Variants in DCHS2 observed in about 807,000 individuals in gnomAD.
DCHS2 encodes the protein protocadherin-23.
Under a neutral mutation model 182.4 loss-of-function variants are expected in DCHS2, and 142 were observed. The ratio of observed to expected loss-of-function variants is 0.78; its 90% CI spans 0.68 to 0.89. The LOEUF (loss-of-function observed/expected upper bound fraction) is 0.89, where lower values mean the gene tolerates loss of function less well. Among genes scored for constraint, DCHS2 ranks in the 40% least tolerant of loss-of-function variants. DCHS2 has a pLI of 0.00. For missense variants in DCHS2, 4,319 were observed against 4,198.6 expected (o/e 1.03, Z -0.79); for synonymous variants, 1,740 against 1,663.3 (o/e 1.05, Z -1.12).
At chr4:154,459,291 G>A (rs760098865) in intron 1 of DCHS2, among the ~76,000 whole-genome samples, 1 of 152,084 alleles carries the variant, frequency 6.6e-6, no homozygotes, top group Non-Finnish European at 1.5e-5. Flanking sequence ...TGAGAGGGAA[G>A]GTTAGGATTG....
chr4:154,338,416 T>TA (rs1728913269), intron 3 of DCHS2, among the ~76,000 whole-genome samples: 1 of 152,202 alleles, frequency 6.6e-6, no homozygotes, highest in Non-Finnish European at 1.5e-5. Context: ...TAATACTACC[T>TA]AAAATCACTA....
chr4:154,446,127 C>T (rs372866663), intron 1 of DCHS2, among the ~76,000 whole-genome samples: 5 of 152,124 alleles, frequency 3.3e-5, no homozygotes, highest in East Asian at 1.9e-4. Context: ...AGATATGTGG[C>T]GTCAGCTCTT....
At chr4:154,293,532 G>T (rs1173639425) in intron 13 of DCHS2, among the ~76,000 whole-genome samples, 1 of 152,090 alleles carries the variant, frequency 6.6e-6, no homozygotes, top group Non-Finnish European at 1.5e-5. Context: ...TGTAGTCCTG[G>T]TTGAGAACCT....
chr4:154,351,499 C>T (rs1729608014), intron 3 of DCHS2, among the ~76,000 whole-genome samples: 1 of 152,144 alleles, frequency 6.6e-6, no homozygotes, highest in Admixed American at 6.5e-5. Context: ...ATGCTGCCTT[C>T]ATAAACAGTT....
chr4:154,333,265 C>T lies in DCHS2; in HGVS notation c.2943G>A (p.Arg981=). 1.2e-6 allele frequency: 2 copies of T among 1,614,202 alleles called. No homozygotes were observed. Among genetic ancestry groups the T allele is most frequent in the Non-Finnish European group, 1.7e-6 (2 of 1,180,044 alleles). The part of the protein sequence containing the change: ...DVNDNHPAFL[R]TSDEIRISQT... ...GGGATATTCTAATCTCATCCGAGGT[C>T]CTGAGGAACGCTGGGTGGTTGTCAT... Residue 981 remains arginine, a synonymous_variant, in exon 5 of 20, where the codon AGG becomes AGA. Transcript: ENST00000357232.
intron 19 of DCHS2, 48 bp from the exon 20 acceptor site, chr4:154,237,207 T>C: frequency 6.5e-7 from 1 of 1,539,088 alleles, no homozygotes; most frequent in Non-Finnish European, 8.7e-7. Flanking sequence ...GCAGTTTTGA[T>C]GATCCATTTA....
In DCHS2 at chr4:154,234,402, T is replaced by A; in HGVS notation, c.*134A>T. 7.8e-7 allele frequency: 1 copy of A among 1,285,784 alleles called. No homozygotes were observed. The highest frequency in any genetic ancestry group is 1.0e-6 in the Non-Finnish European group (1 of 969,786). The allele number at this position is 1,285,784 out of a possible 1,614,324, so 79.6% of individuals were successfully genotyped here. A position where few individuals can be genotyped will look rare whatever the true frequency, so the allele number is the denominator to read the frequency against. The stretch of plus-strand genomic sequence containing the variant: ...AATTGGAGAAACTTTAATGGGGAAG[T>A]TTTAAAAACTCTAACTAAATTACAT... On this transcript the variant is annotated 3_prime_UTR_variant, in exon 20 of 20. Coordinates refer to ENST00000357232, the MANE Select transcript of DCHS2 (RefSeq NM_001358235.2).
rs150949506 is a variant in DCHS2 at position 154,289,065 on chromosome 4, A to G, written c.6463+8786T>C. ...ACTCAAAATTGGTAGCAGAAAAGAA[A>G]TAACAAAGATCAGAACAACAAAGAT... is the stretch of plus-strand genomic sequence containing the variant. On this transcript the variant is annotated intron_variant, in intron 13 of 19. Coordinates refer to ENST00000357232, the MANE Select transcript of DCHS2 (RefSeq NM_001358235.2). Among the ~76,000 whole-genome samples, 12 of 152,186 alleles carry G rather than the reference A, an allele frequency of 7.9e-5. No individual in the cohort carries two copies. In the East Asian group the frequency reaches 2.3e-3, roughly 29 times the overall value.
chr4:154,273,946 T>C (rs769553328), intron 13 of DCHS2, among the ~76,000 whole-genome samples: 2 of 152,044 alleles, frequency 1.3e-5, no homozygotes, highest in Admixed American at 1.3e-4. Context: ...TATAAGACAG[T>C]GGTAACAAGT....
intron 1 of DCHS2, among the ~76,000 whole-genome samples, chr4:154,442,527 ACACCCC>A (rs373706837): frequency 1.2e-4 from 6 of 50,466 alleles, no homozygotes; most frequent in Admixed American, 2.9e-4. Flanking sequence ...TGAAAAGTGG[ACACCCC>A]CCCCCCCCCA....
In DCHS2 at chr4:154,361,188, G is replaced by A. The variant is rs112560713; in HGVS notation, c.2476+5022C>T. On this transcript the variant is annotated intron_variant, in intron 3 of 19. Transcript: ENST00000357232. The stretch of plus-strand genomic sequence containing the variant: ...TGCCTGAATAAAAGAGATAGTTTGG[G>A]ATGAAAATAAATGACCAGCACAAAA... Among the ~76,000 whole-genome samples, 612 of 152,198 alleles carry A rather than the reference G, an allele frequency of 4.0e-3. 5 individuals carry two copies. The highest frequency in any genetic ancestry group is 0.014 in the African/African-American group (587 of 41,546).
At chr4:154,398,990 G>A (rs1004184761) in intron 1 of DCHS2, among the ~76,000 whole-genome samples, 1 of 152,168 alleles carries the variant, frequency 6.6e-6, no homozygotes, top group African/African-American at 2.4e-5. Context: ...AGGTCTAAGG[G>A]AAAATGGGAA....
At chr4:154,268,127 C>T (rs898637876) in intron 14 of DCHS2, among the ~76,000 whole-genome samples, 6 of 152,084 alleles carry the variant, frequency 3.9e-5, no homozygotes, top group African/African-American at 1.4e-4. Flanking sequence ...TCTTTCTTCA[C>T]AATTTCACAA....
intron 1 of DCHS2, among the ~76,000 whole-genome samples, chr4:154,456,088 TAA>T (rs796282166): frequency 4.1e-5 from 6 of 145,138 alleles, no homozygotes; most frequent in Admixed American, 6.9e-5. Flanking sequence ...AGACTCCATT[TAA>T]AAAAAAAAAA....
At chr4:154,477,345 A>G (rs910670022) in intron 1 of DCHS2, among the ~76,000 whole-genome samples, 6 of 152,192 alleles carry the variant, frequency 3.9e-5, no homozygotes, top group Non-Finnish European at 8.8e-5. Flanking sequence ...CCCACCTCCC[A>G]AAAGGATCAC....
intron 16 of DCHS2, among the ~76,000 whole-genome samples, chr4:154,251,190 A>G (rs574202294): frequency 1.3e-5 from 2 of 152,212 alleles, no homozygotes; most frequent in Non-Finnish European, 2.9e-5. Flanking sequence ...TGGAGAATAC[A>G]CTGAGTTTAG....
At chr4:154,455,487 C>T (rs1734725538) in intron 1 of DCHS2, among the ~76,000 whole-genome samples, 1 of 152,108 alleles carries the variant, frequency 6.6e-6, no homozygotes, top group African/African-American at 2.4e-5. Context: ...TATTAAATGC[C>T]CTTCACACAC....
In DCHS2 at chr4:154,426,744, G is replaced by A. The variant is rs999107379; in HGVS notation, c.2053-49300C>T. ...AGCTCAGGAGTTTGAGACCAGCCTG[G>A]GCAACATAGTGAGACTTTGTCTCTA... On this transcript the variant is annotated intron_variant, in intron 1 of 19. Transcript: ENST00000357232. Among the ~76,000 whole-genome samples the A allele has an allele frequency of 1.0e-4, 13 of 125,890 alleles. No individual in the cohort carries two copies. In the East Asian group the frequency reaches 2.7e-3, roughly 26 times the overall value. 82.6% of individuals were successfully genotyped at this position (125,890 alleles called of 152,430 possible).
At chr4:154,336,060 T>C (rs1328631210) in intron 3 of DCHS2, among the ~76,000 whole-genome samples, 1 of 152,218 alleles carries the variant, frequency 6.6e-6, no homozygotes, top group Non-Finnish European at 1.5e-5. Flanking sequence ...ACATTTGCCC[T>C]GAACTAGACC....
Sources: allele counts gnomAD v4.1 joint callset (sites outside exome capture counted in the v4.1 genomes callset), GRCh38; gene constraint gnomAD v4.1.1; transcripts MANE v1.5; gene names NCBI Gene and HGNC (gene_info 2026-07-23, HGNC 2026-07-21).